Variants in DIAPH3 observed in about 807,000 individuals in gnomAD.
DIAPH3 encodes diaphanous related formin 3, also known as protein diaphanous homolog 3.
Under a neutral mutation model 144.3 loss-of-function variants are expected in DIAPH3, and 117 were observed. The ratio of observed to expected loss-of-function variants is 0.81; its 90% CI spans 0.70 to 0.95. DIAPH3 has a LOEUF of 0.95. Ranked by LOEUF, DIAPH3 falls within the 40% of genes least tolerant of loss-of-function variation. The pLI is 0.00. For synonymous variants in DIAPH3, 519 were observed against 488.9 expected (o/e 1.06, Z -0.81); for missense variants, 1,421 against 1,412.7 (o/e 1.01, Z -0.09).
chr13:59,923,695 T>C (rs901257403), intron 18 of DIAPH3, among the ~76,000 whole-genome samples: 4 of 152,114 alleles, frequency 2.6e-5, no homozygotes, highest in African/African-American at 9.7e-5. Flanking sequence ...GACTCCTAAC[T>C]TGACAGGGGC....
At chr13:59,817,099 A>G (rs2040815951) in intron 24 of DIAPH3, among the ~76,000 whole-genome samples, 1 of 151,916 alleles carries the variant, frequency 6.6e-6, no homozygotes, top group Admixed American at 6.6e-5. Context: ...CTGGCACTGA[A>G]AAATGTATTG....
intron 24 of DIAPH3, among the ~76,000 whole-genome samples, chr13:59,830,384 CTTAT>C (rs1731925353): frequency 6.6e-6 from 1 of 151,818 alleles, no homozygotes; most frequent in South Asian, 2.1e-4. Flanking sequence ...AGCCTTCATG[CTTAT>C]TTTTCTCCTA....
At chr13:59,975,760 T>C (rs2050642732) in intron 14 of DIAPH3, among the ~76,000 whole-genome samples, 1 of 152,034 alleles carries the variant, frequency 6.6e-6, no homozygotes, top group Non-Finnish European at 1.5e-5. Flanking sequence ...ATTCTCTCAG[T>C]CTCAACCTGT....
intron 1 of DIAPH3, among the ~76,000 whole-genome samples, chr13:60,159,377 G>C (rs562460363): frequency 3.9e-5 from 6 of 152,274 alleles, no homozygotes; most frequent in Non-Finnish European, 1.5e-5. Context: ...TGTAATCCCA[G>C]CACTTTGGGA....
intron 19 of DIAPH3, 50 bp downstream of exon 19, chr13:59,916,105 G>T: frequency 2.0e-6 from 3 of 1,486,634 alleles, no homozygotes; most frequent in South Asian, 2.3e-5. Flanking sequence ...TCTATTTAAT[G>T]AGAAGCTTGC....
At chr13:60,006,457 T>C (rs1460971330) in intron 9 of DIAPH3, among the ~76,000 whole-genome samples, 1 of 152,000 alleles carries the variant, frequency 6.6e-6, no homozygotes, top group Non-Finnish European at 1.5e-5. Flanking sequence ...CAAAAAAAAA[T>C]CAGATAAAGT....
chr13:59,793,179 AC>A (rs1392114147), intron 25 of DIAPH3, among the ~76,000 whole-genome samples: 3 of 152,186 alleles, frequency 2.0e-5, no homozygotes, highest in African/African-American at 4.8e-5. Context: ...TCAATCTATC[AC>A]AATGGCAGAG....
At chr13:59,707,328 G>A (rs966059126) in intron 27 of DIAPH3, among the ~76,000 whole-genome samples, 16 of 152,148 alleles carry the variant, frequency 1.1e-4, no homozygotes, top group Admixed American at 6.5e-4. Context: ...AATGTAGTAC[G>A]CTGGCACCTG....
chr13:60,035,596 C>T (rs957124038), intron 5 of DIAPH3, among the ~76,000 whole-genome samples: 3 of 152,004 alleles, frequency 2.0e-5, no homozygotes, highest in African/African-American at 7.3e-5. Context: ...AAAGGACAGC[C>T]ACATGACTTA....
intron 5 of DIAPH3, among the ~76,000 whole-genome samples, chr13:60,028,883 A>AC (rs2054576699): frequency 6.6e-6 from 1 of 152,038 alleles, no homozygotes; most frequent in East Asian, 1.9e-4. Context: ...ACATGGTGAA[A>AC]CCCCATCTCT....
At chr13:59,830,897 T>G (rs1280829811) in intron 24 of DIAPH3, among the ~76,000 whole-genome samples, 2 of 151,868 alleles carry the variant, frequency 1.3e-5, no homozygotes, top group Non-Finnish European at 2.9e-5. Context: ...TTGATCTCAT[T>G]TGGAAACCCT....
At chr13:59,675,933 A>G (rs1166976290) in intron 27 of DIAPH3, among the ~76,000 whole-genome samples, 3 of 152,190 alleles carry the variant, frequency 2.0e-5, no homozygotes, top group African/African-American at 7.2e-5. Context: ...GAAACTAACT[A>G]GCTAACTATT....
chr13:60,125,112 C>T (rs2058951883), intron 2 of DIAPH3, among the ~76,000 whole-genome samples: 1 of 152,148 alleles, frequency 6.6e-6, no homozygotes, highest in Non-Finnish European at 1.5e-5. Flanking sequence ...ATATAGTAAA[C>T]ATTTGGAACA....
At position 59,993,683 on chromosome 13, in the gene DIAPH3, G is replaced by A. The variant is rs905364755; in HGVS notation, c.1015-1100C>T. 9.6e-5 allele frequency among the ~76,000 whole-genome samples: 7 copies of A among 73,148 alleles called. No homozygotes were observed. In the East Asian group the frequency reaches 1.6e-3, roughly 16 times the overall value. The allele number at this position is 73,148 out of a possible 152,430, so 48.0% of individuals were successfully genotyped here. A position where few individuals can be genotyped will look rare whatever the true frequency, so the allele number is the denominator to read the frequency against. On this transcript the variant is annotated intron_variant, in intron 9 of 27. Transcript: ENST00000400324. Reference sequence around the variant, plus strand: ...AATGGGAAATATGTCAGAAGAGAGAGGAAGAAGAGAAACATACTTAAAAAA... The same window carrying A: ...AATGGGAAATATGTCAGAAGAGAGAAGAAGAAGAGAAACATACTTAAAAAA...
At chr13:60,106,455 T>A (rs969171689) in intron 3 of DIAPH3, among the ~76,000 whole-genome samples, 4 of 152,268 alleles carry the variant, frequency 2.6e-5, no homozygotes, top group East Asian at 1.9e-4. Flanking sequence ...GAGAATAGAT[T>A]TATGATGTCA....
At chr13:60,081,690 T>C (rs1425720753) in intron 4 of DIAPH3, among the ~76,000 whole-genome samples, 4 of 151,854 alleles carry the variant, frequency 2.6e-5, no homozygotes, top group African/African-American at 7.3e-5. Flanking sequence ...CAGCCACAAA[T>C]CCGCACAGTA....
At chr13:60,009,305 TAA>T (rs982254275) in intron 8 of DIAPH3, among the ~76,000 whole-genome samples, 4 of 152,126 alleles carry the variant, frequency 2.6e-5, no homozygotes, top group South Asian at 2.1e-4. Flanking sequence ...CATGCAGTCC[TAA>T]ATGTTACTTA....
At chr13:60,103,600 C>T (rs1430533338) in intron 3 of DIAPH3, among the ~76,000 whole-genome samples, 1 of 152,130 alleles carries the variant, frequency 6.6e-6, no homozygotes, top group Non-Finnish European at 1.5e-5. Context: ...AGAAGCACTG[C>T]AATAGCAAAA....
chr13:59,996,149 CA>C (rs1474968641), intron 9 of DIAPH3, among the ~76,000 whole-genome samples: 1 of 151,948 alleles, frequency 6.6e-6, no homozygotes, highest in Middle Eastern at 3.2e-3. Flanking sequence ...GGTGACTTGA[CA>C]AGAATAGTTT....
Sources: gnomAD v4.1 joint callset for allele counts (sites outside exome capture counted in the v4.1 genomes callset) on GRCh38, gnomAD v4.1.1 for gene constraint, MANE v1.5 for transcripts, NCBI Gene and HGNC (gene_info 2026-07-23, HGNC 2026-07-21) for gene names.